HAPLN1: variants seen among roughly 807,000 people sequenced by gnomAD.
HAPLN1 encodes Cartilage link protein.
HAPLN1 carries 13 observed loss-of-function variants against 36.5 expected under a neutral mutation model. That is an observed-to-expected ratio of 0.36 (90% CI 0.23 to 0.57). The LOEUF is 0.57. Ranked by LOEUF, HAPLN1 falls within the 20% of genes least tolerant of loss-of-function variation. The pLI, the probability that HAPLN1 is intolerant of heterozygous loss-of-function variation, is 0.83. For missense variants in HAPLN1, 407 were observed against 439.7 expected (o/e 0.93, Z 0.66); for synonymous variants, 202 against 169.8 (o/e 1.19, Z -1.48).
chr5:83,644,244 A>G (rs75428931), intron 4 of HAPLN1, 119 bp downstream of exon 4: 8,840 of 833,922 alleles, frequency 0.011, 64 homozygotes, highest in Middle Eastern at 0.017. Flanking sequence ...ACTACAGCAA[A>G]ACTTCAAAGC....
At chr5:83,657,805 TAA>T (rs552632849) in intron 2 of HAPLN1, among the ~76,000 whole-genome samples, 4 of 136,804 alleles carry the variant, frequency 2.9e-5, no homozygotes, top group African/African-American at 5.3e-5. Context: ...CAATAATAAT[TAA>T]AAAAAAAAAA....
intron 1 of HAPLN1, among the ~76,000 whole-genome samples, chr5:83,692,852 C>T (rs1302650206): frequency 6.6e-6 from 1 of 151,698 alleles, no homozygotes; most frequent in Non-Finnish European, 1.5e-5. Flanking sequence ...TGTACAAAGA[C>T]CATGTCTAAG....
Position 83,692,970 on chromosome 5 carries a change from T to A in HAPLN1, c.-26-19421A>T, listed in dbSNP as rs115023453. 2.4e-3 allele frequency among the ~76,000 whole-genome samples: 371 copies of A among 152,006 alleles called. 1 individual carries two copies. Among genetic ancestry groups the A allele is most frequent in the African/African-American group, 8.4e-3 (349 of 41,550 alleles). On this transcript the variant is annotated intron_variant, in intron 1 of 4. Coordinates refer to ENST00000274341, the MANE Select transcript of HAPLN1 (RefSeq NM_001884.4). ...CATTCTAAGACACCCAGTGGATGTTTGAAACTGTGGATAGTACCAAATCTT... is the reference window on the plus strand; with the variant it reads ...CATTCTAAGACACCCAGTGGATGTTAGAAACTGTGGATAGTACCAAATCTT...
chr5:83,661,590 G>T (rs908798168), intron 2 of HAPLN1, among the ~76,000 whole-genome samples: 1 of 151,762 alleles, frequency 6.6e-6, no homozygotes, highest in Non-Finnish European at 1.5e-5. Context: ...GACTACAGGC[G>T]TCTGCCACCC....
intron 1 of HAPLN1, among the ~76,000 whole-genome samples, chr5:83,685,334 G>T (rs988069227): frequency 3.9e-5 from 6 of 152,130 alleles, no homozygotes; most frequent in Non-Finnish European, 5.9e-5. Context: ...ACTGCACACT[G>T]CAGGATAAAT....
intron 1 of HAPLN1, among the ~76,000 whole-genome samples, chr5:83,709,776 T>C (rs1039835264): frequency 6.6e-6 from 1 of 152,190 alleles, no homozygotes; most frequent in African/African-American, 2.4e-5. Context: ...ATTTACACTT[T>C]AGAACAGTGA....
chr5:83,646,533 T>C (rs1749882987), intron 3 of HAPLN1, among the ~76,000 whole-genome samples: 1 of 152,240 alleles, frequency 6.6e-6, no homozygotes, highest in Non-Finnish European at 1.5e-5. Context: ...GACACGTTTG[T>C]CTCTGTAGGG....
intron 2 of HAPLN1, among the ~76,000 whole-genome samples, chr5:83,673,206 G>A (rs1004884156): frequency 2.0e-5 from 3 of 152,112 alleles, no homozygotes; most frequent in African/African-American, 7.2e-5. Context: ...CACTGCAGCT[G>A]GACATTCTTA....
intron 2 of HAPLN1, 63 bp downstream of exon 2, chr5:83,673,361 C>A: frequency 9.2e-7 from 1 of 1,087,378 alleles, no homozygotes; most frequent in Non-Finnish European, 1.4e-6. Flanking sequence ...ACTAGCCCAG[C>A]ATCTCAACTC....
rs1042274714 is a variant in HAPLN1 at position 83,639,883 on chromosome 5, G to A, written c.*1613C>T. Reference sequence around the variant, plus strand: ...TTTGTCTGAATAATATATGATTATAGTTATGGTTTCATGGACTTCCAATTG... The same window carrying A: ...TTTGTCTGAATAATATATGATTATAATTATGGTTTCATGGACTTCCAATTG... On this transcript the variant is annotated 3_prime_UTR_variant, in exon 5 of 5. Transcript: ENST00000274341. The A allele has an allele frequency of 2.6e-5, 4 of 152,066 alleles. No individual in the cohort carries two copies. The highest frequency in any genetic ancestry group is 9.7e-5 in the African/African-American group (4 of 41,440). The allele number at this position is 152,066 out of a possible 1,614,324, so 9.4% of individuals were successfully genotyped here.
chr5:83,670,787 C>A (rs180964853), intron 2 of HAPLN1, among the ~76,000 whole-genome samples: 1,746 of 152,010 alleles, frequency 0.011, 42 homozygotes, highest in African/African-American at 0.04. Context: ...CTCTGCTTCC[C>A]GGGTTCAGGC....
At chr5:83,659,839 T>C (rs1245843759) in intron 2 of HAPLN1, among the ~76,000 whole-genome samples, 1 of 152,110 alleles carries the variant, frequency 6.6e-6, no homozygotes, top group Non-Finnish European at 1.5e-5. Context: ...ATAGTAATTG[T>C]TGTCTGGTTT....
chr5:83,716,925 G>C (rs569525540), intron 1 of HAPLN1, among the ~76,000 whole-genome samples: 1 of 152,054 alleles, frequency 6.6e-6, no homozygotes, highest in Non-Finnish European at 1.5e-5. Flanking sequence ...CCAGCTACTC[G>C]AGAGGCTGAG....
chr5:83,651,575 A>G (rs949281765), intron 3 of HAPLN1, among the ~76,000 whole-genome samples: 2 of 24,042 alleles, frequency 8.3e-5, no homozygotes, highest in Non-Finnish European at 1.5e-4. Flanking sequence ...TGGGATTCAA[A>G]AGGTCAAATA....
chr5:83,696,799 T>C (rs898367668), intron 1 of HAPLN1, among the ~76,000 whole-genome samples: 1 of 152,212 alleles, frequency 6.6e-6, no homozygotes, highest in African/African-American at 2.4e-5. Context: ...ATTTTGTCCA[T>C]GCTCATCAGT....
chr5:83,697,344 T>G (rs1211110232), intron 1 of HAPLN1, among the ~76,000 whole-genome samples: 1 of 152,210 alleles, frequency 6.6e-6, no homozygotes, highest in Non-Finnish European at 1.5e-5. Flanking sequence ...GTTTTCAATG[T>G]TCATTCTGTA....
chr5:83,648,879 T>C (rs1009047381), intron 3 of HAPLN1, among the ~76,000 whole-genome samples: 6 of 152,216 alleles, frequency 3.9e-5, no homozygotes, highest in Admixed American at 3.9e-4. Context: ...TTTCAAACTC[T>C]TATGCATATA....
In HAPLN1 at chr5:83,640,614, A is replaced by T. The variant is rs529568073; in HGVS notation, c.*882T>A. On this transcript the variant is annotated 3_prime_UTR_variant, in exon 5 of 5. Coordinates refer to ENST00000274341, the MANE Select transcript of HAPLN1 (RefSeq NM_001884.4). ...CAATAACATTTCATAGGCTAACAGA[A>T]AATCAAGCTGCTAAATTTTACAATT... 6.6e-6 allele frequency: 1 copy of T among 152,330 alleles called. No individual in the cohort carries two copies. Among genetic ancestry groups the T allele is most frequent in the South Asian group, 2.1e-4 (1 of 4,826 alleles). 9.4% of individuals were successfully genotyped at this position (152,330 alleles called of 1,614,324 possible).
intron 1 of HAPLN1, among the ~76,000 whole-genome samples, chr5:83,678,497 A>G (rs916299144): frequency 7.9e-5 from 12 of 152,128 alleles, no homozygotes; most frequent in African/African-American, 2.4e-4. Context: ...ATTTTCTGTA[A>G]GGTTACGATA....
Sources: gnomAD v4.1 joint callset for allele counts (sites outside exome capture counted in the v4.1 genomes callset) on GRCh38, gnomAD v4.1.1 for gene constraint, MANE v1.5 for transcripts, NCBI Gene and HGNC (gene_info 2026-07-23, HGNC 2026-07-21) for gene names.